The following ARHGEF7 variants were observed in gnomAD, a reference collection of about 807,000 sequenced individuals.
The protein encoded by ARHGEF7 is PAK-interacting exchange factor beta.
ARHGEF7 carries 33 observed loss-of-function variants against 109.8 expected under a neutral mutation model. The observed-to-expected ratio is 0.30, with a 90% CI of 0.23 to 0.40. ARHGEF7 has a LOEUF of 0.40. Ranked by LOEUF, ARHGEF7 falls within the 10% of genes least tolerant of loss-of-function variation. The probability of loss-of-function intolerance (pLI) is 1.00; values close to 1 mark genes in which losing one functional copy is unlikely to be tolerated. For synonymous variants in ARHGEF7, 458 were observed against 424.6 expected, an observed-to-expected ratio of 1.08 and a Z score of -0.97; for missense variants, 938 against 1,098.5, an observed-to-expected ratio of 0.85 and a Z score of 2.07.
chr13:111,210,069 G>A (rs568894632), intron 4 of ARHGEF7, 67 bp downstream of exon 4: 6 of 1,590,114 alleles, frequency 3.8e-6, no homozygotes, highest in Non-Finnish European at 5.2e-6. Context: ...GGATATATCT[G>A]AGAAGATACG....
At chr13:111,293,040 C>A (rs1285123946) in intron 19 of ARHGEF7, 2 of 985,414 alleles carry the variant, frequency 2.0e-6, no homozygotes, top group East Asian at 1.1e-4. Flanking sequence ...GATGTTCACT[C>A]GCATCTTCAC....
intron 5 of ARHGEF7, among the ~76,000 whole-genome samples, chr13:111,222,051 G>C (rs1277451568): frequency 6.6e-6 from 1 of 152,094 alleles, no homozygotes; most frequent in Non-Finnish European, 1.5e-5. Context: ...CTGATTAGGT[G>C]GTGCCCAGCA....
chr13:111,166,168 C>G (rs2077108963), intron 2 of ARHGEF7, among the ~76,000 whole-genome samples: 1 of 152,174 alleles, frequency 6.6e-6, no homozygotes, highest in Admixed American at 6.5e-5. Flanking sequence ...TTGCTTTTCT[C>G]CAGACTGTTT....
intron 1 of ARHGEF7, among the ~76,000 whole-genome samples, chr13:111,148,768 T>A (rs1186270616): frequency 6.6e-6 from 1 of 152,222 alleles, no homozygotes; most frequent in South Asian, 2.1e-4. Flanking sequence ...CTTTAACGAC[T>A]GAAATGTTGC....
At chr13:111,289,074 C>T (rs1232396978) in intron 18 of ARHGEF7, among the ~76,000 whole-genome samples, 2 of 152,124 alleles carry the variant, frequency 1.3e-5, no homozygotes, top group Non-Finnish European at 2.9e-5. Context: ...CTCTGTCACC[C>T]AGGCTGGAGT....
chr13:111,278,081 A>G (rs1247896788), intron 13 of ARHGEF7, among the ~76,000 whole-genome samples: 1 of 152,192 alleles, frequency 6.6e-6, no homozygotes. Context: ...GCACCGCCCA[A>G]ATGCATCAGC....
intron 2 of ARHGEF7, among the ~76,000 whole-genome samples, chr13:111,193,996 G>A (rs1422047465): frequency 2.6e-5 from 4 of 152,148 alleles, no homozygotes; most frequent in African/African-American, 9.7e-5. Flanking sequence ...ACTTCCTTTG[G>A]CACCTAGTAT....
chr13:111,265,254 C>T (rs2091515314), intron 8 of ARHGEF7, among the ~76,000 whole-genome samples: 1 of 152,094 alleles, frequency 6.6e-6, no homozygotes, highest in African/African-American at 2.4e-5. Flanking sequence ...TCTGTCTCCA[C>T]AGCTATTATA....
intron 5 of ARHGEF7, among the ~76,000 whole-genome samples, chr13:111,231,187 A>C (rs1176673466): frequency 6.6e-6 from 1 of 152,240 alleles, no homozygotes; most frequent in East Asian, 1.9e-4. Context: ...TCCAAATTGT[A>C]GATTTCAAAG....
At chr13:111,184,702 A>T (rs927602458) in intron 2 of ARHGEF7, among the ~76,000 whole-genome samples, 1 of 152,060 alleles carries the variant, frequency 6.6e-6, no homozygotes, top group Non-Finnish European at 1.5e-5. Flanking sequence ...CTATGCTGTT[A>T]TTTCCTATCA....
At position 111,206,605 on chromosome 13, in the gene ARHGEF7, C is replaced by T. The variant is rs139569297; in HGVS notation, c.337+1232C>T. 7.0e-3 allele frequency among the ~76,000 whole-genome samples: 1,069 copies of T among 152,284 alleles called. 5 individuals are homozygous for T. Among genetic ancestry groups the T allele is most frequent in the Non-Finnish European group, 0.011 (773 of 68,032 alleles). ...TGGATGTAACTAATGAAAATTGTCA[C>T]ATTATTTAATGCCTTCTCTGTCTCT... On this transcript the variant is annotated intron_variant, in intron 3 of 21. Coordinates refer to ENST00000646102, the MANE Select transcript of ARHGEF7 (RefSeq NM_001354046.2).
At chr13:111,292,834 G>A in intron 19 of ARHGEF7, 1 of 992,218 alleles carries the variant, frequency 1.0e-6, no homozygotes, top group Non-Finnish European at 1.2e-6. Flanking sequence ...TGTGAGCCCA[G>A]TTCCAACGGC....
chr13:111,290,717 G>T (rs746119667), intron 18 of ARHGEF7, among the ~76,000 whole-genome samples: 3 of 152,226 alleles, frequency 2.0e-5, no homozygotes, highest in Non-Finnish European at 4.4e-5. Context: ...TGCAAGAAAA[G>T]CATTGAACGA....
intron 19 of ARHGEF7, among the ~76,000 whole-genome samples, chr13:111,295,737 A>G (rs1022615856): frequency 6.6e-6 from 1 of 152,226 alleles, no homozygotes; most frequent in African/African-American, 2.4e-5. Context: ...ATAAATAACA[A>G]AATGGCCTAG....
At chr13:111,125,878 C>G in intron 1 of ARHGEF7, among the ~76,000 whole-genome samples, 1 of 152,180 alleles carries the variant, frequency 6.6e-6, no homozygotes, top group East Asian at 1.9e-4. Context: ...CTTTGTCATT[C>G]ACTTTAAGGA....
intron 4 of ARHGEF7, 74 bp from the exon 5 acceptor site, chr13:111,217,604 TA>T: frequency 7.4e-7 from 1 of 1,359,706 alleles, no homozygotes; most frequent in Non-Finnish European, 1.0e-6. Context: ...TTTGTACTAG[TA>T]AAGTATAATC....
chr13:111,263,435 T>C (rs2091308042), intron 8 of ARHGEF7, among the ~76,000 whole-genome samples: 1 of 152,260 alleles, frequency 6.6e-6, no homozygotes, highest in Admixed American at 6.5e-5. Context: ...ATATCAGAAA[T>C]GAAAATCAGT....
intron 2 of ARHGEF7, among the ~76,000 whole-genome samples, chr13:111,165,085 T>A (rs1439864099): frequency 6.6e-6 from 1 of 151,952 alleles, no homozygotes; most frequent in Non-Finnish European, 1.5e-5. Context: ...AGGGGTTGAG[T>A]GGAGGGGAAG....
At position 111,149,907 on chromosome 13, in the gene ARHGEF7, C is replaced by A. The variant is rs114917225; in HGVS notation, c.166-3998C>A. On this transcript the variant is annotated intron_variant, in intron 1 of 21. Coordinates refer to ENST00000646102, the MANE Select transcript of ARHGEF7 (RefSeq NM_001354046.2). ...AAGTTTTATACACATTAACTAAAGT[C>A]TTACTGTAATGGAGCTGCAGGATGT... Among the ~76,000 whole-genome samples, 964 of 152,280 alleles carry A rather than the reference C, an allele frequency of 6.3e-3. 11 individuals are homozygous for A. The highest frequency in any genetic ancestry group is 0.022 in the African/African-American group (930 of 41,556).
Sources: allele counts gnomAD v4.1 joint callset (sites outside exome capture counted in the v4.1 genomes callset), GRCh38; gene constraint gnomAD v4.1.1; transcripts MANE v1.5; gene names NCBI Gene and HGNC (gene_info 2026-07-23, HGNC 2026-07-21).